Variants in GALNTL6 observed in about 807,000 individuals in gnomAD.
GALNTL6 encodes polypeptide N-acetylgalactosaminyltransferase-like 6.
In GALNTL6, 46 loss-of-function variants were observed where a neutral mutation model predicts 73.7. That is an observed-to-expected ratio of 0.62 (90% CI 0.49 to 0.80). The LOEUF is 0.80. GALNTL6 is among the 30% of genes least tolerant of loss of function. The probability of loss-of-function intolerance (pLI) is 0.00; values close to 1 mark genes in which losing one functional copy is unlikely to be tolerated. For missense variants in GALNTL6, 604 were observed against 755.0 expected, an observed-to-expected ratio of 0.80 and a Z score of 2.34; for synonymous variants, 259 against 263.7, an observed-to-expected ratio of 0.98 and a Z score of 0.17.
chr4:172,745,213 T>TA (rs5864163), intron 5 of GALNTL6, among the ~76,000 whole-genome samples: 53,606 of 150,792 alleles, frequency 0.36, 10,520 homozygotes, highest in African/African-American at 0.51. Flanking sequence ...CTCTGTTAAT[T>TA]AAAAAAAGAA....
chr4:172,404,878 T>C (rs1744156887), intron 5 of GALNTL6, among the ~76,000 whole-genome samples: 1 of 152,050 alleles, frequency 6.6e-6, no homozygotes, highest in Admixed American at 6.6e-5. Flanking sequence ...AACAGCAGTG[T>C]TCTTGCAGTA....
At chr4:172,479,309 T>A (rs1261670896) in intron 5 of GALNTL6, among the ~76,000 whole-genome samples, 1 of 90,450 alleles carries the variant, frequency 1.1e-5, no homozygotes, top group Non-Finnish European at 2.5e-5. Flanking sequence ...ATGAGATGTG[T>A]GTATACATAC....
intron 2 of GALNTL6, among the ~76,000 whole-genome samples, chr4:172,215,168 G>T (rs190766863): frequency 6.6e-6 from 1 of 151,984 alleles, no homozygotes; most frequent in East Asian, 1.9e-4. Flanking sequence ...GGTGTGTTTC[G>T]TGGCTTATGA....
intron 8 of GALNTL6, among the ~76,000 whole-genome samples, chr4:172,914,475 C>T (rs1175833690): frequency 6.6e-6 from 1 of 152,116 alleles, no homozygotes; most frequent in Non-Finnish European, 1.5e-5. Flanking sequence ...AGAGTCAAGA[C>T]CCATCAGTGT....
chr4:172,767,997 GA>G (rs1167284435), intron 5 of GALNTL6, among the ~76,000 whole-genome samples: 2 of 152,084 alleles, frequency 1.3e-5, no homozygotes, highest in Admixed American at 6.6e-5. Flanking sequence ...AGACTGCAAA[GA>G]GGTATAAAGA....
At position 172,259,090 on chromosome 4, in the gene GALNTL6, T is replaced by C. The variant is rs79866326; in HGVS notation, c.247+29326T>C. 1.8e-3 allele frequency among the ~76,000 whole-genome samples: 277 copies of C among 151,388 alleles called. 1 individual carries two copies. Among genetic ancestry groups the C allele is most frequent in the African/African-American group, 6.3e-3 (263 of 41,456 alleles). Reference sequence around the variant, plus strand: ...ATGTGGCATATGTAAGTCTTTTACATATAACAACTTCTTTTCTTCTGGGTG... The same window carrying C: ...ATGTGGCATATGTAAGTCTTTTACACATAACAACTTCTTTTCTTCTGGGTG... On this transcript the variant is annotated intron_variant, in intron 3 of 12. Coordinates refer to ENST00000506823, the MANE Select transcript of GALNTL6 (RefSeq NM_001034845.3).
intron 5 of GALNTL6, among the ~76,000 whole-genome samples, chr4:172,675,209 C>G (rs1254391676): frequency 2.0e-5 from 3 of 152,108 alleles, no homozygotes; most frequent in Non-Finnish European, 4.4e-5. Flanking sequence ...ATTCAGCCAA[C>G]TGGCTTCATT....
chr4:172,736,658 T>C (rs1406791262), intron 5 of GALNTL6, among the ~76,000 whole-genome samples: 1 of 152,234 alleles, frequency 6.6e-6, no homozygotes, highest in African/African-American at 2.4e-5. Context: ...AAGTGATAAA[T>C]GTCCATGAAA....
intron 8 of GALNTL6, among the ~76,000 whole-genome samples, chr4:172,889,738 A>G (rs1745925853): frequency 1.3e-5 from 2 of 152,080 alleles, no homozygotes; most frequent in Admixed American, 1.3e-4. Flanking sequence ...TGTCTTTGTC[A>G]GATTTTGACA....
chr4:171,881,590 A>G (rs1736450349), intron 2 of GALNTL6, among the ~76,000 whole-genome samples: 1 of 152,214 alleles, frequency 6.6e-6, no homozygotes, highest in Non-Finnish European at 1.5e-5. Flanking sequence ...CACACCCAGG[A>G]TCAATACTTT....
At chr4:172,157,288 C>T (rs545903801) in intron 2 of GALNTL6, among the ~76,000 whole-genome samples, 1 of 152,252 alleles carries the variant, frequency 6.6e-6, no homozygotes, top group South Asian at 2.1e-4. Context: ...GCAATGCAGC[C>T]TACAAATGAT....
At chr4:172,471,233 C>T (rs974429983) in intron 5 of GALNTL6, among the ~76,000 whole-genome samples, 6 of 152,144 alleles carry the variant, frequency 3.9e-5, no homozygotes, top group Admixed American at 6.5e-5. Context: ...TTAATGTCAA[C>T]GCTAAGAACT....
At chr4:172,235,675 G>T (rs1293254017) in intron 3 of GALNTL6, among the ~76,000 whole-genome samples, 1 of 151,960 alleles carries the variant, frequency 6.6e-6, no homozygotes, top group Non-Finnish European at 1.5e-5. Context: ...GGGGATATGT[G>T]TGCAGGTTTG....
chr4:172,658,220 A>G (rs1370352951), intron 5 of GALNTL6, among the ~76,000 whole-genome samples: 1 of 148,116 alleles, frequency 6.8e-6, no homozygotes, highest in Admixed American at 6.8e-5. Context: ...TAATCCCAGC[A>G]CTTTGGGAGG....
intron 5 of GALNTL6, among the ~76,000 whole-genome samples, chr4:172,780,762 AT>A (rs1739333194): frequency 6.6e-6 from 1 of 152,196 alleles, no homozygotes; most frequent in African/African-American, 2.4e-5. Context: ...GCAAAATATT[AT>A]TACTCAATTG....
intron 10 of GALNTL6, among the ~76,000 whole-genome samples, chr4:173,005,126 A>G (rs1752216383): frequency 6.6e-6 from 1 of 151,852 alleles, no homozygotes; most frequent in African/African-American, 2.4e-5. Context: ...GCTAAGCCTG[A>G]CTTCCCTTGC....
At chr4:172,192,300 T>A (rs146008406) in intron 2 of GALNTL6, among the ~76,000 whole-genome samples, 1 of 152,154 alleles carries the variant, frequency 6.6e-6, no homozygotes, top group South Asian at 2.1e-4. Context: ...GCAAAGACTT[T>A]GACAGACAAT....
At chr4:172,662,475 C>T (rs747013293) in intron 5 of GALNTL6, among the ~76,000 whole-genome samples, 10 of 152,138 alleles carry the variant, frequency 6.6e-5, no homozygotes, top group East Asian at 1.9e-4. Flanking sequence ...CTTTCTGCCA[C>T]GATAATCGGC....
At chr4:173,033,191 G>A (rs1753541921) in intron 12 of GALNTL6, among the ~76,000 whole-genome samples, 2 of 151,834 alleles carry the variant, frequency 1.3e-5, no homozygotes, top group East Asian at 3.9e-4. Flanking sequence ...TAGTAGAGAT[G>A]GGGTTTCACT....
Sources: gnomAD v4.1 joint callset for allele counts (sites outside exome capture counted in the v4.1 genomes callset) on GRCh38, gnomAD v4.1.1 for gene constraint, MANE v1.5 for transcripts, NCBI Gene and HGNC (gene_info 2026-07-23, HGNC 2026-07-21) for gene names.